Variants in NEBL observed in about 807,000 individuals in gnomAD.
NEBL encodes nebulette, also known as LIM and SH3 protein 2.
A neutral mutation model predicts 140.2 loss-of-function variants in NEBL; 122 were observed. The ratio of observed to expected loss-of-function variants is 0.87; its 90% CI spans 0.75 to 1.01. The LOEUF is 1.01. NEBL is among the 50% of genes least tolerant of loss of function. The probability of loss-of-function intolerance (pLI) is 0.00; values close to 1 mark genes in which losing one functional copy is unlikely to be tolerated. For synonymous variants in NEBL, 436 were observed against 398.9 expected (o/e 1.09, Z -1.11); for missense variants, 1,365 against 1,231.3 (o/e 1.11, Z -1.62).
intron 14 of NEBL, 21 bp downstream of exon 14, chr10:20,835,492 T>C (rs1448676597): frequency 1.4e-5 from 22 of 1,545,776 alleles, no homozygotes; most frequent in African/African-American, 2.7e-5. Context: ...TCTTAAGGCC[T>C]GCATCACGCA....
chr10:21,077,051 T>TTTTAACAATA (rs1836130382), intron 2 of NEBL, among the ~76,000 whole-genome samples: 1 of 152,156 alleles, frequency 6.6e-6, no homozygotes, highest in Non-Finnish European at 1.5e-5. Flanking sequence ...ATGGTAACCT[T>TTTTAACAATA]TATGTTACGT....
chr10:21,266,970 T>G (rs955742562), intron 1 of NEBL, among the ~76,000 whole-genome samples: 4 of 150,902 alleles, frequency 2.7e-5, no homozygotes, highest in African/African-American at 7.3e-5. Flanking sequence ...TTATTTGGGG[T>G]TTTTTTTGTT....
intron 26 of NEBL, among the ~76,000 whole-genome samples, chr10:20,795,448 A>G (rs1480382989): frequency 2.0e-5 from 3 of 152,174 alleles, no homozygotes; most frequent in African/African-American, 7.2e-5. Context: ...CACTTTTGGA[A>G]AAGCAAACTC....
intron 3 of NEBL, among the ~76,000 whole-genome samples, chr10:20,975,810 G>A (rs1171508875): frequency 6.6e-6 from 1 of 152,088 alleles, no homozygotes; most frequent in African/African-American, 2.4e-5. Context: ...AGCTGCCAAA[G>A]GAAATCTATG....
chr10:21,220,521 G>T (rs1200470697), intron 3 of NEBL, among the ~76,000 whole-genome samples: 1 of 152,168 alleles, frequency 6.6e-6, no homozygotes, highest in African/African-American at 2.4e-5. Flanking sequence ...GGGCTTAAAT[G>T]TAAGATCAGA....
At position 20,916,690 on chromosome 10, in the gene NEBL, G is replaced by A. The variant is rs1475524294; in HGVS notation, c.357+44982C>T. On this transcript the variant is annotated intron_variant, in intron 4 of 6. Transcript: ENST00000417816. ...CTCTCAAAATGCTGGGATTACAAGT[G>A]TGAGCCACCACGCCTGGCTTGATTT... Among the ~76,000 whole-genome samples the A allele has an allele frequency of 2.0e-5, 3 of 152,200 alleles. No individual in the cohort carries two copies. In the South Asian group the frequency reaches 6.2e-4, roughly 31 times the overall value.
chr10:20,897,793 A>G (rs139407188), upstream of NEBL, among the ~76,000 whole-genome samples: 78 of 152,312 alleles, frequency 5.1e-4, no homozygotes, highest in East Asian at 0.013. Context: ...TACCCACTTT[A>G]TATTAGCTGA....
intron 24 of NEBL, among the ~76,000 whole-genome samples, chr10:20,811,597 T>C (rs916513809): frequency 2.6e-5 from 4 of 152,216 alleles, no homozygotes; most frequent in African/African-American, 9.7e-5. Context: ...AGAAAATACT[T>C]CCAGAGTCAC....
intron 2 of NEBL, among the ~76,000 whole-genome samples, chr10:21,150,719 A>G (rs1022251961): frequency 2.6e-5 from 4 of 152,212 alleles, no homozygotes; most frequent in African/African-American, 9.6e-5. Context: ...CACCTTCTGT[A>G]CAAAAGTCAC....
At chr10:20,881,408 G>C (rs1209251426) in intron 4 of NEBL, among the ~76,000 whole-genome samples, 1 of 152,160 alleles carries the variant, frequency 6.6e-6, no homozygotes, top group African/African-American at 2.4e-5. Context: ...GATATGTCAA[G>C]TCTTGGCCTC....
chr10:20,892,598 G>A (rs1564426534), intron 2 of NEBL, among the ~76,000 whole-genome samples: 1 of 152,088 alleles, frequency 6.6e-6, no homozygotes, highest in Admixed American at 6.6e-5. Context: ...AAGACAAAAA[G>A]GGCAAAATTG....
At chr10:21,024,154 C>T (rs765526141) in intron 2 of NEBL, among the ~76,000 whole-genome samples, 2 of 151,456 alleles carry the variant, frequency 1.3e-5, no homozygotes, top group Non-Finnish European at 2.9e-5. Context: ...AACTTACTAG[C>T]ATACTATGCA....
chr10:20,805,495 A>G (rs778478118), intron 26 of NEBL, among the ~76,000 whole-genome samples: 1 of 152,096 alleles, frequency 6.6e-6, no homozygotes, highest in African/African-American at 2.4e-5. Context: ...GTCCCTAAAG[A>G]CAGAGCATCT....
At chr10:20,847,316 T>C (rs1842041347) in intron 11 of NEBL, among the ~76,000 whole-genome samples, 1 of 152,174 alleles carries the variant, frequency 6.6e-6, no homozygotes, top group African/African-American at 2.4e-5. Context: ...AAACATCTAA[T>C]AGTCAATGAC....
intron 25 of NEBL, among the ~76,000 whole-genome samples, chr10:20,809,286 T>C (rs997130014): frequency 6.6e-6 from 1 of 152,194 alleles, no homozygotes; most frequent in African/African-American, 2.4e-5. Flanking sequence ...CCTTTAATTA[T>C]GAACTTGCAA....
intron 2 of NEBL, among the ~76,000 whole-genome samples, chr10:21,039,677 C>T (rs1178127119): frequency 6.6e-6 from 1 of 152,178 alleles, no homozygotes; most frequent in African/African-American, 2.4e-5. Context: ...AGAGATGCAT[C>T]TCACCTCACA....
intron 4 of NEBL, among the ~76,000 whole-genome samples, chr10:20,913,203 G>A (rs1395160590): frequency 2.6e-5 from 4 of 152,146 alleles, no homozygotes; most frequent in Admixed American, 1.3e-4. Context: ...TTAGAGAAGG[G>A]AGTCAGAGTT....
intron 9 of NEBL, 33 bp downstream of exon 9, chr10:20,858,207 G>C: frequency 6.6e-7 from 1 of 1,517,468 alleles, no homozygotes; most frequent in Non-Finnish European, 9.2e-7. Flanking sequence ...GAGCCACAAG[G>C]CAACTACGGT....
chr10:20,868,567 G>T (rs557422501), intron 7 of NEBL, 97 bp downstream of exon 7: 4 of 887,334 alleles, frequency 4.5e-6, no homozygotes, highest in African/African-American at 1.6e-5. Context: ...GTTTATTCTT[G>T]CAATTAAAGA....
Sources: gnomAD v4.1 joint callset for allele counts (sites outside exome capture counted in the v4.1 genomes callset) on GRCh38, gnomAD v4.1.1 for gene constraint, MANE v1.5 for transcripts, NCBI Gene and HGNC (gene_info 2026-07-23, HGNC 2026-07-21) for gene names.